Variants in INSR observed in about 807,000 individuals in gnomAD.
INSR encodes the protein IR.
A neutral mutation model predicts 142.6 loss-of-function variants in INSR; 67 were observed. The ratio of observed to expected loss-of-function variants is 0.47; its 90% confidence interval spans 0.39 to 0.58. The LOEUF is 0.58. INSR is among the 20% of genes least tolerant of loss of function. The probability of loss-of-function intolerance (pLI) is 0.00; values close to 1 mark genes in which losing one functional copy is unlikely to be tolerated. For missense variants in INSR, 1,248 were observed against 1,833.2 expected, an observed-to-expected ratio of 0.68 and a Z score of 5.83; for synonymous variants, 756 against 743.1, an observed-to-expected ratio of 1.02 and a Z score of -0.28.
At chr19:7,186,237 G>C (rs147492598) in intron 2 of INSR, among the ~76,000 whole-genome samples, 2 of 152,098 alleles carry the variant, frequency 1.3e-5, no homozygotes, top group African/African-American at 2.4e-5. Context: ...AAAGAAAGTT[G>C]GGGAGTGTTC....
chr19:7,174,556 C>A (rs764948811), intron 4 of INSR, 27 bp downstream of exon 4: 186 of 1,613,306 alleles, frequency 1.2e-4, no homozygotes, highest in Non-Finnish European at 1.5e-4. Context: ...CAACAGGCAC[C>A]CCCGACGCCC....
chr19:7,188,098 G>C lies in INSR; in HGVS notation c.653-3461C>G, dbSNP rs186790043. The stretch of plus-strand genomic sequence containing the variant: ...CAAGCTGTTCTGGGTGGAGCACCCT[G>C]GTCCCTTGTCCCCTTGTGACTTGCT... On this transcript the variant is annotated intron_variant, in intron 2 of 21. Coordinates refer to ENST00000302850, the MANE Select transcript of INSR (RefSeq NM_000208.4). Among the ~76,000 whole-genome samples, 168 of 152,194 alleles carry C rather than the reference G, an allele frequency of 1.1e-3. 1 individual carries two copies. The highest frequency in any genetic ancestry group is 3.9e-3 in the African/African-American group (163 of 41,522).
intron 10 of INSR, among the ~76,000 whole-genome samples, chr19:7,151,171 T>TC (rs1267448280): frequency 0.027 from 172 of 6,330 alleles, 5 homozygotes; most frequent in African/African-American, 0.035. Context: ...TCTCTTTCTT[T>TC]CTTTCTTTCT....
intron 2 of INSR, among the ~76,000 whole-genome samples, chr19:7,187,747 A>C (rs1454447881): frequency 1.3e-5 from 2 of 151,184 alleles, no homozygotes; most frequent in Non-Finnish European, 2.9e-5. Flanking sequence ...TAAGTGTTTA[A>C]TTTTTTGTAG....
chr19:7,293,857 G>C lies in INSR; in HGVS notation c.35C>G (p.Ala12Gly). The part of the protein sequence containing the change: ...ATGGRRGAAA[A>G]PLLVAVAALL... ...CGCGGCCACCGCCACCAGCAGCGGC[G>C]CGGCCGCCGCCCCCCGCCGGCCCCC... The change falls in exon 1 of 22, where the codon GCG becomes GGG. Residue 12 changes from alanine (A) to glycine (G), a missense_variant. Physicochemically the swap from Ala to Gly is moderately conservative, Grantham distance 60. This residue lies in a region of INSR where 57 missense variants were observed against 49.5 expected (regional missense o/e 1.15). Coordinates refer to ENST00000302850, the MANE Select transcript of INSR (RefSeq NM_000208.4). 1 of 1,248,110 alleles carries C rather than the reference G, an allele frequency of 8.0e-7. No homozygotes were observed. Among genetic ancestry groups the C allele is most frequent in the Non-Finnish European group, 1.0e-6 (1 of 1,002,840 alleles). The allele number at this position is 1,248,110 out of a possible 1,614,324, so 77.3% of individuals were successfully genotyped here.
intron 9 of INSR, among the ~76,000 whole-genome samples, chr19:7,162,057 T>C (rs1401799304): frequency 6.6e-6 from 1 of 152,000 alleles, no homozygotes; most frequent in African/African-American, 2.4e-5. Context: ...CCAGGCGTGG[T>C]GGCTCATGCC....
intron 2 of INSR, among the ~76,000 whole-genome samples, chr19:7,213,071 C>T (rs1197128886): frequency 2.0e-5 from 3 of 151,932 alleles, no homozygotes; most frequent in Admixed American, 2.0e-4. Flanking sequence ...GGGGGCCGGG[C>T]GCGGTGGCTC....
At position 7,116,547 on chromosome 19, in the gene INSR, A is replaced by G. The variant is rs1054128337; in HGVS notation, c.*509T>C. ...AAATCCTTCAGCCTGGATGAGAGAA[A>G]AAAAAAAAACCAAAAAAACCATCTT... On this transcript the variant is annotated 3_prime_UTR_variant, in exon 22 of 22. Coordinates refer to ENST00000302850, the MANE Select transcript of INSR (RefSeq NM_000208.4). 12 of 151,958 alleles carry G rather than the reference A, an allele frequency of 7.9e-5. No individual in the cohort carries two copies. The highest frequency in any genetic ancestry group is 2.9e-4 in the African/African-American group (12 of 41,242). The allele number at this position is 151,958 out of a possible 1,614,324, so 9.4% of individuals were successfully genotyped here.
At chr19:7,190,460 C>T (rs1307573825) in intron 2 of INSR, among the ~76,000 whole-genome samples, 1 of 150,676 alleles carries the variant, frequency 6.6e-6, no homozygotes, top group Non-Finnish European at 1.5e-5. Flanking sequence ...GCAACCTCCG[C>T]CTCCCGGGTT....
intron 4 of INSR, among the ~76,000 whole-genome samples, chr19:7,172,759 C>T (rs920917703): frequency 9.2e-5 from 14 of 151,832 alleles, no homozygotes; most frequent in African/African-American, 2.7e-4. Context: ...CAGCTTGGTG[C>T]TGGTGGCTCA....
At chr19:7,202,108 A>T (rs1239607637) in intron 2 of INSR, among the ~76,000 whole-genome samples, 3 of 152,160 alleles carry the variant, frequency 2.0e-5, no homozygotes, top group Non-Finnish European at 1.5e-5. Context: ...TATCCATTTC[A>T]GTAGTCACTA....
At chr19:7,249,711 G>A (rs559697805) in intron 2 of INSR, among the ~76,000 whole-genome samples, 20 of 152,160 alleles carry the variant, frequency 1.3e-4, no homozygotes, top group African/African-American at 4.6e-4. Context: ...AAAAATTAGC[G>A]GCTGGGCGCG....
chr19:7,133,792 G>A (rs1972842006), intron 13 of INSR, among the ~76,000 whole-genome samples: 1 of 152,258 alleles, frequency 6.6e-6, no homozygotes, highest in African/African-American at 2.4e-5. Context: ...AACCCAGGAG[G>A]TGGAGGTTGC....
intron 2 of INSR, among the ~76,000 whole-genome samples, chr19:7,199,226 T>C (rs1333055055): frequency 6.6e-6 from 1 of 152,022 alleles, no homozygotes; most frequent in Non-Finnish European, 1.5e-5. Flanking sequence ...AATGAGGTCA[T>C]ATTAACTCAA....
chr19:7,152,896 T>C lies in INSR; in HGVS notation c.2061A>G (p.Pro687=). ...GLKLPSRTWS[P]PFESEDSQKH... is the part of the protein sequence containing the mutation. ...TCTGAGAATCTTCAGACTCGAATGG[T>C]GGAGACCAGGTCCTCGAGGGCAGCT... is the stretch of plus-strand genomic sequence containing the variant. Residue 687 remains proline, a synonymous_variant, in exon 10 of 22, where the codon CCA becomes CCG. Coordinates refer to ENST00000302850, the MANE Select transcript of INSR (RefSeq NM_000208.4). 1 of 1,612,362 alleles carries C rather than the reference T, an allele frequency of 6.2e-7. No individual in the cohort carries two copies.
chr19:7,263,547 G>A (rs990374251), intron 2 of INSR, among the ~76,000 whole-genome samples: 3 of 152,024 alleles, frequency 2.0e-5, no homozygotes, highest in African/African-American at 7.2e-5. Context: ...AAACAAGCCC[G>A]GTTCTTTTTA....
At chr19:7,249,254 T>C (rs908074961) in intron 2 of INSR, among the ~76,000 whole-genome samples, 9 of 152,200 alleles carry the variant, frequency 5.9e-5, no homozygotes, top group Non-Finnish European at 1.3e-4. Flanking sequence ...TGACGTCTTC[T>C]GCCCATTCCA....
rs1457244657 is a variant in INSR, at chr19:7,132,237, G to A, written c.2763C>T (p.Tyr921=). The A allele has an allele frequency of 1.2e-5, 19 of 1,614,120 alleles. No homozygotes were observed. The highest frequency in any genetic ancestry group is 1.6e-5 in the Non-Finnish European group (19 of 1,180,052). ...CRLRGLSPGN[Y]SVRIRATSLA... ...GGGAGGTGGCCCGGATTCGCACGCT[G>A]TAGTTCCCCGGTGACAGCCCACGCA... The change falls in exon 14 of 22, where the codon TAC becomes TAT. Residue 921 remains tyrosine, a synonymous_variant. Transcript: ENST00000302850.
At chr19:7,174,527 C>T in intron 4 of INSR, 56 bp downstream of exon 4, 3 of 1,603,894 alleles carry the variant, frequency 1.9e-6, no homozygotes, top group Non-Finnish European at 2.6e-6. Context: ...CCGCTCACAG[C>T]TCAGAGGGAC....
Sources: allele counts gnomAD v4.1 joint callset (sites outside exome capture counted in the v4.1 genomes callset), GRCh38; gene constraint gnomAD v4.1.1; regional missense constraint gnomAD v4.1.1; transcripts MANE v1.5; gene names NCBI Gene and HGNC (gene_info 2026-07-23, HGNC 2026-07-21).